Variants in NPAS3 observed in about 807,000 individuals in gnomAD.
The protein encoded by NPAS3 is neuronal PAS domain protein 3, also known as neuronal PAS domain-containing protein 3.
A neutral mutation model predicts 73.1 loss-of-function variants in NPAS3; 14 were observed. That is an observed-to-expected ratio of 0.19 (90% CI 0.13 to 0.30). The LOEUF (loss-of-function observed/expected upper bound fraction) is 0.30, where lower values mean the gene tolerates loss of function less well. NPAS3 is among the 10% of genes least tolerant of loss of function. The pLI is 1.00. For synonymous variants in NPAS3, 620 were observed against 541.5 expected (o/e 1.14, Z -2.01); for missense variants, 1,096 against 1,250.0 (o/e 0.88, Z 1.86).
chr14:33,754,388 A>G (rs994377157), intron 7 of NPAS3, among the ~76,000 whole-genome samples: 1 of 152,146 alleles, frequency 6.6e-6, no homozygotes, highest in African/African-American at 2.4e-5. Context: ...GACACATTTC[A>G]CCTACTAGGG....
At chr14:33,731,915 T>C (rs2061412533) in intron 6 of NPAS3, among the ~76,000 whole-genome samples, 3 of 152,142 alleles carry the variant, frequency 2.0e-5, no homozygotes, top group Admixed American at 2.0e-4. Flanking sequence ...TCCTAGTTTA[T>C]AATTCATAGG....
Position 33,401,390 on chromosome 14 carries a change from C to T in NPAS3, c.468+34122C>T, listed in dbSNP as rs73260710. ...CCATATAGCCATCTTATTTCCAGGA[C>T]ATTGGATTTTGTATTGGCGTAGGGA... On this transcript the variant is annotated intron_variant, in intron 4 of 11. Coordinates refer to ENST00000356141, the Ensembl canonical transcript of NPAS3. 8.0e-3 allele frequency among the ~76,000 whole-genome samples: 1,223 copies of T among 152,202 alleles called. 16 individuals are homozygous for T. The highest frequency in any genetic ancestry group is 0.028 in the African/African-American group (1,149 of 41,530).
At chr14:32,938,199 G>A (rs1376630786), upstream of NPAS3, among the ~76,000 whole-genome samples, 1 of 152,104 alleles carries the variant, frequency 6.6e-6, no homozygotes, top group Non-Finnish European at 1.5e-5. Context: ...AGGTGCTTGT[G>A]CTGCTGCTGC....
Position 33,642,834 on chromosome 14 carries a change from G to A in NPAS3, c.559-33377G>A, listed in dbSNP as rs536126853. On this transcript the variant is annotated intron_variant, in intron 5 of 11. Coordinates refer to ENST00000356141, the Ensembl canonical transcript of NPAS3. ...TTCTCTCCAAATGGCCGGGATGGAT[G>A]GAGAAAATGAATTCACAGATGGCTG... 1.8e-4 allele frequency among the ~76,000 whole-genome samples: 27 copies of A among 152,254 alleles called. No homozygotes were observed. In the South Asian group the frequency reaches 5.4e-3, roughly 30 times the overall value.
At position 33,053,574 on chromosome 14, in the gene NPAS3, G is replaced by C. The variant is rs1327268948; in HGVS notation, c.51-2331G>C. Among the ~76,000 whole-genome samples the C allele has an allele frequency of 5.3e-5, 8 of 152,164 alleles. No individual in the cohort carries two copies. The East Asian group carries it at 1.3e-3, about 26-fold the overall frequency. ...GTTTAACCTTTAAAAACAAAATCAG[G>C]TGGAGAGAATGAACTCAGTAGCTTT... On this transcript the variant is annotated intron_variant, in intron 1 of 11. Coordinates refer to ENST00000356141, the Ensembl canonical transcript of NPAS3.
chr14:33,613,764 A>T (rs1257322671), intron 5 of NPAS3, among the ~76,000 whole-genome samples: 1 of 152,016 alleles, frequency 6.6e-6, no homozygotes, highest in Non-Finnish European at 1.5e-5. Context: ...AATCTATCCA[A>T]TCTACAACTT....
intron 1 of NPAS3, among the ~76,000 whole-genome samples, chr14:33,016,615 GAAA>G (rs10597224): frequency 0.014 from 1,758 of 126,190 alleles, 20 homozygotes; most frequent in Non-Finnish European, 0.019. Context: ...AGAAAAAAAG[GAAA>G]AAAAAAAAAA....
intron 6 of NPAS3, among the ~76,000 whole-genome samples, chr14:33,694,844 T>A (rs1166404728): frequency 1.3e-5 from 2 of 152,228 alleles, no homozygotes; most frequent in Non-Finnish European, 2.9e-5. Flanking sequence ...CCTTTCTACG[T>A]GACCCCTGAT....
intron 4 of NPAS3, among the ~76,000 whole-genome samples, chr14:33,492,127 G>T (rs1415276142): frequency 6.6e-6 from 1 of 152,060 alleles, no homozygotes; most frequent in Non-Finnish European, 1.5e-5. Context: ...CACTCACTTA[G>T]GGATCTATGC....
intron 2 of NPAS3, among the ~76,000 whole-genome samples, chr14:33,094,775 A>G (rs1177684656): frequency 6.6e-6 from 1 of 152,158 alleles, no homozygotes; most frequent in East Asian, 1.9e-4. Context: ...TGATGAAGTA[A>G]TAACAGACAT....
At chr14:33,121,101 G>A (rs1265229679) in intron 2 of NPAS3, among the ~76,000 whole-genome samples, 4 of 151,866 alleles carry the variant, frequency 2.6e-5, no homozygotes, top group Admixed American at 2.0e-4. Context: ...TTAACAGTCA[G>A]TCTTATGCAC....
chr14:33,543,409 A>G (rs996997618), intron 4 of NPAS3, among the ~76,000 whole-genome samples: 6 of 152,172 alleles, frequency 3.9e-5, no homozygotes, highest in Non-Finnish European at 7.4e-5. Context: ...CTTTCTTCAC[A>G]TTCTTTATAG....
At chr14:33,173,837 A>G (rs1211209157) in intron 2 of NPAS3, among the ~76,000 whole-genome samples, 1 of 152,204 alleles carries the variant, frequency 6.6e-6, no homozygotes, top group Non-Finnish European at 1.5e-5. Flanking sequence ...TTAAGTCAAT[A>G]ATTAACAGGA....
At chr14:33,769,012 G>A (rs1434787598) in intron 7 of NPAS3, among the ~76,000 whole-genome samples, 2 of 152,156 alleles carry the variant, frequency 1.3e-5, no homozygotes, top group Non-Finnish European at 2.9e-5. Context: ...GAAAAAGGGT[G>A]CTTAAGAGCT....
chr14:33,235,048 G>C (rs1191590754), intron 3 of NPAS3, among the ~76,000 whole-genome samples: 4 of 152,016 alleles, frequency 2.6e-5, no homozygotes, highest in African/African-American at 7.2e-5. Flanking sequence ...TCAACCCAAT[G>C]TGTAAATGAA....
At chr14:33,661,175 G>A (rs1045638536) in intron 5 of NPAS3, among the ~76,000 whole-genome samples, 9 of 151,606 alleles carry the variant, frequency 5.9e-5, no homozygotes, top group South Asian at 2.1e-4. Context: ...TGGCTTTGAT[G>A]GACCAGAACA....
chr14:33,763,286 T>C lies in NPAS3; in HGVS notation c.853-11051T>C, dbSNP rs139482177. On this transcript the variant is annotated intron_variant, in intron 7 of 11. Coordinates refer to ENST00000356141, the Ensembl canonical transcript of NPAS3. ...ATATTGTTACCAGAAATTACTCTCA[T>C]TTAGGATGAAATAGAGGGTTGAATT... 3.1e-4 allele frequency among the ~76,000 whole-genome samples: 47 copies of C among 152,348 alleles called. No homozygotes were observed. The East Asian group carries it at 8.7e-3, about 28-fold the overall frequency.
At chr14:33,610,251 T>C (rs905450520) in intron 5 of NPAS3, among the ~76,000 whole-genome samples, 9 of 152,198 alleles carry the variant, frequency 5.9e-5, no homozygotes, top group African/African-American at 2.2e-4. Flanking sequence ...CTTCCCAGGA[T>C]AGCATATGTC....
chr14:33,425,456 A>G (rs1445449573), intron 4 of NPAS3, among the ~76,000 whole-genome samples: 1 of 151,952 alleles, frequency 6.6e-6, no homozygotes, highest in Non-Finnish European at 1.5e-5. Flanking sequence ...ATCTCATATA[A>G]TAATACTTGA....
Sources: gnomAD v4.1 joint callset for allele counts (sites outside exome capture counted in the v4.1 genomes callset) on GRCh38, gnomAD v4.1.1 for gene constraint, MANE v1.5 for transcripts, NCBI Gene and HGNC (gene_info 2026-07-23, HGNC 2026-07-21) for gene names.